The following NPHP1 variants were observed in gnomAD, a reference collection of about 807,000 sequenced individuals.
The protein encoded by NPHP1 is nephrocystin-1.
NPHP1 carries 70 observed loss-of-function variants against 90.4 expected under a neutral mutation model. That is an observed-to-expected ratio of 0.77 (90% CI 0.64 to 0.95). The LOEUF is 0.95. NPHP1 is among the 40% of genes least tolerant of loss of function. The pLI is 0.00. For missense variants in NPHP1, 764 were observed against 795.9 expected, an observed-to-expected ratio of 0.96 and a Z score of 0.48; for synonymous variants, 256 against 271.7, an observed-to-expected ratio of 0.94 and a Z score of 0.57.
chr2:110,194,800 C>T (rs1328589590), intron 2 of NPHP1, among the ~76,000 whole-genome samples: 3 of 152,024 alleles, frequency 2.0e-5, no homozygotes, highest in African/African-American at 4.8e-5. Context: ...ATCAAAAAGC[C>T]TATCCACCAT....
chr2:110,127,177 GA>G (rs1679429939), intron 18 of NPHP1: 1 of 152,210 alleles, frequency 6.6e-6, no homozygotes, highest in South Asian at 2.1e-4. Flanking sequence ...CTTCTGCAGG[GA>G]AACTGGCAAC....
At chr2:110,184,957 T>C (rs935153044) in intron 2 of NPHP1, 1 of 662,236 alleles carries the variant, frequency 1.5e-6, no homozygotes, top group Non-Finnish European at 2.9e-6. Flanking sequence ...AGTTCACACT[T>C]TTCTCCAACA....
At chr2:110,143,831 G>C (rs1026744813) in intron 15 of NPHP1, 190 bp from the exon 16 acceptor site, 1 of 581,144 alleles carries the variant, frequency 1.7e-6, no homozygotes, top group Non-Finnish European at 3.1e-6. Flanking sequence ...TAAATCACAT[G>C]AGTTACAGCA....
At chr2:110,152,106 A>C (rs1264153571) in intron 11 of NPHP1, among the ~76,000 whole-genome samples, 1 of 152,166 alleles carries the variant, frequency 6.6e-6, no homozygotes, top group Non-Finnish European at 1.5e-5. Context: ...CCAAAGAATG[A>C]AGAACTGAAG....
At chr2:110,203,986 G>A (rs1217465456) in intron 1 of NPHP1, among the ~76,000 whole-genome samples, 1 of 151,930 alleles carries the variant, frequency 6.6e-6, no homozygotes, top group East Asian at 1.9e-4. Flanking sequence ...ATAATCATCA[G>A]CATCCTGTCA....
Position 110,144,625 on chromosome 2 carries a change from T to C in NPHP1, c.1353-56A>G, listed in dbSNP as rs1574086344. ...TAAGCTGTGGGCATGTAGAAAACAC[T>C]GGAGTCAGTAGTTAAATATTTTTTA... On this transcript the variant is annotated intron_variant, in intron 14 of 19. Transcript: ENST00000445609. The C allele has an allele frequency of 5.0e-6, 5 of 999,768 alleles. No homozygotes were observed. The South Asian group carries it at 5.1e-5, about 10-fold the overall frequency. The allele number at this position is 999,768 out of a possible 1,614,324, so 61.9% of individuals were successfully genotyped here. A position where few individuals can be genotyped will look rare whatever the true frequency, so the allele number is the denominator to read the frequency against.
chr2:110,189,960 C>T (rs1237493190), intron 2 of NPHP1, among the ~76,000 whole-genome samples: 1 of 152,110 alleles, frequency 6.6e-6, no homozygotes, highest in Non-Finnish European at 1.5e-5. Context: ...CTGAGCTAGA[C>T]ATAAAGGTTC....
chr2:110,146,896 T>C lies in NPHP1; in HGVS notation c.1270-61A>G, dbSNP rs554478692. 2.4e-5 allele frequency: 28 copies of C among 1,177,924 alleles called. No homozygotes were observed. The South Asian group carries it at 3.3e-4, about 14-fold the overall frequency. The allele number at this position is 1,177,924 out of a possible 1,614,324, so 73.0% of individuals were successfully genotyped here. ...TGAACTAGTCAAATTTATAAGCACATACCAAGTCCTTTTAAAGGAACAAAA... is the reference window on the plus strand; with the variant it reads ...TGAACTAGTCAAATTTATAAGCACACACCAAGTCCTTTTAAAGGAACAAAA... On this transcript the variant is annotated intron_variant, in intron 13 of 19. Transcript: ENST00000445609.
At chr2:110,128,961 G>C in intron 18 of NPHP1, 1 of 575,276 alleles carries the variant, frequency 1.7e-6, no homozygotes, top group Non-Finnish European at 3.1e-6. Flanking sequence ...GATTGCAATA[G>C]TGTACATAGC....
chr2:110,129,309 A>T (rs780512855), intron 17 of NPHP1, 50 bp from the exon 18 acceptor site: 1 of 1,328,722 alleles, frequency 7.5e-7, no homozygotes, highest in East Asian at 2.3e-5. Flanking sequence ...CACTCAATGG[A>T]TTTTATTGCA....
At position 110,160,071 on chromosome 2, in the gene NPHP1, A is replaced by T. The variant is rs550756565; in HGVS notation, c.1083+56T>A. On this transcript the variant is annotated intron_variant, in intron 11 of 19. Coordinates refer to ENST00000445609, the MANE Select transcript of NPHP1 (RefSeq NM_001128178.3). ...GAGGAGTTGAATGGAAAAGAATCTA[A>T]GGGAATGTTTCTCCATAATCCTAGT... is the stretch of plus-strand genomic sequence containing the variant. The T allele has an allele frequency of 8.9e-6, 14 of 1,569,872 alleles. No individual in the cohort carries two copies. In the African/African-American group the frequency reaches 1.8e-4, roughly 20 times the overall value.
rs1680715583 is a variant in NPHP1, at chr2:110,142,438, CT to C, written c.1529+1103del. On this transcript the variant is annotated intron_variant, in intron 16 of 19. Coordinates refer to ENST00000445609, the MANE Select transcript of NPHP1 (RefSeq NM_001128178.3). ...CTCACTGCAGCCTCAACCTCTTGGG[CT>C]CAAGCAATCCTCAAGCAATCCTCCC... is the stretch of plus-strand genomic sequence containing the variant. Among the ~76,000 whole-genome samples the C allele has an allele frequency of 5.3e-5, 4 of 75,036 alleles. No homozygotes were observed. The South Asian group carries it at 3.2e-3, about 61-fold the overall frequency. 49.2% of individuals were successfully genotyped at this position (75,036 alleles called of 152,430 possible).
chr2:110,196,416 A>G (rs1159010896), intron 2 of NPHP1, among the ~76,000 whole-genome samples: 7 of 152,194 alleles, frequency 4.6e-5, no homozygotes, highest in Admixed American at 3.3e-4. Context: ...GCTCATCATC[A>G]CTGGCCATCA....
At chr2:110,144,008 G>C (rs1680835630) in intron 15 of NPHP1, 1 of 329,156 alleles carries the variant, frequency 3.0e-6, no homozygotes, top group Admixed American at 4.6e-5. Flanking sequence ...GGTGGCTGAG[G>C]AGTGGAAATG....
Position 110,174,071 on chromosome 2 carries a change from T to C in NPHP1, c.330-4073A>G, listed in dbSNP as rs143578534. Reference sequence around the variant, plus strand: ...GTTATAAAACAAATAATATCTTTGTTGTAGAACATGGAATACCTTTTTCCA... The same window carrying C: ...GTTATAAAACAAATAATATCTTTGTCGTAGAACATGGAATACCTTTTTCCA... On this transcript the variant is annotated intron_variant, in intron 4 of 19. Transcript: ENST00000445609. Among the ~76,000 whole-genome samples the C allele has an allele frequency of 1.4e-3, 212 of 152,290 alleles. 1 individual carries two copies. Among genetic ancestry groups the C allele is most frequent in the Middle Eastern group, 0.014 (4 of 294 alleles).
chr2:110,160,971 A>G (rs1327856535), intron 10 of NPHP1, among the ~76,000 whole-genome samples: 1 of 152,104 alleles, frequency 6.6e-6, no homozygotes, highest in Non-Finnish European at 1.5e-5. Context: ...GTTTGAGACC[A>G]GCCTGGCAAC....
Position 110,162,446 on chromosome 2 carries a change from G to A in NPHP1, c.859+602C>T, listed in dbSNP as rs1034655672. ...GGGAGTACTGGGAAGAACCTTCCCA[G>A]CAAAGGCATCCTCAAAGCAGCCCTT... On this transcript the variant is annotated intron_variant, in intron 9 of 19. Coordinates refer to ENST00000445609, the MANE Select transcript of NPHP1 (RefSeq NM_001128178.3). Among the ~76,000 whole-genome samples the A allele has an allele frequency of 4.6e-5, 7 of 152,172 alleles. No homozygotes were observed. In the South Asian group the frequency reaches 1.2e-3, roughly 27 times the overall value.
At chr2:110,127,325 T>A (rs1679440753) in intron 18 of NPHP1, 1 of 152,154 alleles carries the variant, frequency 6.6e-6, no homozygotes, top group South Asian at 2.1e-4. Flanking sequence ...AAACCTGTGC[T>A]AACCACCACA....
At chr2:110,168,324 C>T (rs1682855270) in intron 6 of NPHP1, 128 bp downstream of exon 6, 1 of 699,690 alleles carries the variant, frequency 1.4e-6, no homozygotes, top group Admixed American at 2.4e-5. Context: ...CCTGTCCCTC[C>T]AAAATTAAAG....
Sources: allele counts gnomAD v4.1 joint callset (sites outside exome capture counted in the v4.1 genomes callset), GRCh38; gene constraint gnomAD v4.1.1; transcripts MANE v1.5; gene names NCBI Gene and HGNC (gene_info 2026-07-23, HGNC 2026-07-21).